Variants in MALRD1 observed in about 807,000 individuals in gnomAD.
MALRD1 encodes the protein MAM and LDL-receptor class A domain-containing protein 1.
MALRD1 carries 247 observed loss-of-function variants against 242.1 expected under a neutral mutation model. The ratio of observed to expected loss-of-function variants is 1.02; its 90% CI spans 0.92 to 1.13. The LOEUF (loss-of-function observed/expected upper bound fraction) is 1.13, where lower values mean the gene tolerates loss of function less well. MALRD1 is among the 50% of genes most tolerant of loss of function. MALRD1 has a pLI of 0.00. For missense variants in MALRD1, 2,989 were observed against 2,533.1 expected, an observed-to-expected ratio of 1.18 and a Z score of -3.86; for synonymous variants, 995 against 866.6, an observed-to-expected ratio of 1.15 and a Z score of -2.60.
intron 13 of MALRD1, among the ~76,000 whole-genome samples, chr10:19,168,063 A>C (rs1425510926): frequency 1.3e-5 from 2 of 152,200 alleles, no homozygotes; most frequent in African/African-American, 4.8e-5. Context: ...AATAAATGTT[A>C]GTGTTCTCTG....
At chr10:19,346,351 GGAGAGCAAATCCCT>G (rs1844124039) in intron 24 of MALRD1, among the ~76,000 whole-genome samples, 1 of 152,044 alleles carries the variant, frequency 6.6e-6, no homozygotes, top group Admixed American at 6.6e-5. Context: ...CTTGTGCATT[GGAGAGCAAATCCCT>G]GAGTGTTTTG....
At chr10:19,142,837 A>G (rs1833599885) in intron 10 of MALRD1, among the ~76,000 whole-genome samples, 1 of 152,222 alleles carries the variant, frequency 6.6e-6, no homozygotes, top group Non-Finnish European at 1.5e-5. Flanking sequence ...TTATAAGTTC[A>G]CTTTAAAGTT....
At chr10:19,695,087 G>A (rs1833305707) in intron 38 of MALRD1, among the ~76,000 whole-genome samples, 1 of 152,100 alleles carries the variant, frequency 6.6e-6, no homozygotes, top group African/African-American at 2.4e-5. Context: ...TGGGGCTAGT[G>A]GGGAGGCATA....
At chr10:19,626,680 C>T (rs898917027) in intron 36 of MALRD1, among the ~76,000 whole-genome samples, 1 of 150,910 alleles carries the variant, frequency 6.6e-6, no homozygotes, top group Admixed American at 6.6e-5. Context: ...ATAAAGAGTG[C>T]TGAAAAGCAC....
At chr10:19,162,030 GAACAAC>G (rs200339497) in intron 12 of MALRD1, among the ~76,000 whole-genome samples, 1 of 146,662 alleles carries the variant, frequency 6.8e-6, no homozygotes, top group South Asian at 2.1e-4. Context: ...TCTGTCTCAA[GAACAAC>G]AACAACAGCA....
chr10:19,236,370 C>T (rs1429951390), intron 18 of MALRD1, among the ~76,000 whole-genome samples: 1 of 152,130 alleles, frequency 6.6e-6, no homozygotes, highest in African/African-American at 2.4e-5. Flanking sequence ...AACCTAGAAG[C>T]TTGGTAGAGT....
chr10:19,321,503 C>T (rs918156725), intron 21 of MALRD1, among the ~76,000 whole-genome samples: 2 of 152,054 alleles, frequency 1.3e-5, no homozygotes, highest in African/African-American at 4.8e-5. Flanking sequence ...TTAATTGATG[C>T]ATGATAGATG....
At chr10:19,383,900 G>C (rs143618884) in intron 26 of MALRD1, among the ~76,000 whole-genome samples, 1 of 151,832 alleles carries the variant, frequency 6.6e-6, no homozygotes, top group Non-Finnish European at 1.5e-5. Context: ...ATTAAAGTGC[G>C]GTGAGTGCTA....
intron 18 of MALRD1, among the ~76,000 whole-genome samples, chr10:19,226,879 C>G (rs1393867766): frequency 6.6e-6 from 1 of 151,760 alleles, no homozygotes; most frequent in East Asian, 1.9e-4. Context: ...ACAATCAACA[C>G]CAATTAGAAA....
At chr10:19,733,844 A>G (rs1013191626) in intron 39 of MALRD1, among the ~76,000 whole-genome samples, 11 of 152,038 alleles carry the variant, frequency 7.2e-5, no homozygotes, top group African/African-American at 2.7e-4. Context: ...ACTATATTCA[A>G]TACAGAAGGC....
In MALRD1 at chr10:19,287,784, C is replaced by G. The variant is rs570393300; in HGVS notation, c.3419+4603C>G. ...ACAACTCACCTAACAATGCATTTCT[C>G]AGAACTCATTCCCGTCATTAAGTGA... On this transcript the variant is annotated intron_variant, in intron 21 of 39. Coordinates refer to ENST00000454679, the MANE Select transcript of MALRD1 (RefSeq NM_001142308.3). Among the ~76,000 whole-genome samples the G allele has an allele frequency of 2.0e-5, 3 of 152,184 alleles. No individual in the cohort carries two copies. In the East Asian group the frequency reaches 5.8e-4, roughly 29 times the overall value.
chr10:19,050,801 C>T (rs987126770), intron 1 of MALRD1, among the ~76,000 whole-genome samples: 7 of 152,178 alleles, frequency 4.6e-5, no homozygotes, highest in African/African-American at 1.7e-4. Context: ...CAAGCAGTGC[C>T]AAGTCCCTTC....
intron 35 of MALRD1, among the ~76,000 whole-genome samples, chr10:19,615,130 A>G (rs1839082900): frequency 6.6e-6 from 1 of 152,088 alleles, no homozygotes; most frequent in African/African-American, 2.4e-5. Flanking sequence ...TTTTGAGATG[A>G]TGGATATGCT....
intron 26 of MALRD1, among the ~76,000 whole-genome samples, chr10:19,357,409 T>C (rs1224571649): frequency 6.6e-6 from 1 of 152,168 alleles, no homozygotes; most frequent in East Asian, 1.9e-4. Flanking sequence ...ATCCTGTATT[T>C]TTTATATCTC....
At chr10:19,410,267 A>G (rs1300928480) in intron 28 of MALRD1, among the ~76,000 whole-genome samples, 1 of 152,200 alleles carries the variant, frequency 6.6e-6, no homozygotes, top group Non-Finnish European at 1.5e-5. Flanking sequence ...GATTTAAGCT[A>G]GATTTAGTAT....
chr10:19,265,287 T>A (rs1313011984), intron 19 of MALRD1, among the ~76,000 whole-genome samples: 2 of 152,052 alleles, frequency 1.3e-5, no homozygotes, highest in Non-Finnish European at 2.9e-5. Context: ...CTTTTTCAAG[T>A]TCCTTGAGGT....
intron 18 of MALRD1, among the ~76,000 whole-genome samples, chr10:19,254,711 T>C (rs1251727049): frequency 2.6e-5 from 4 of 151,934 alleles, no homozygotes; most frequent in Admixed American, 2.6e-4. Flanking sequence ...ATTTAAAGTT[T>C]ATAAATTTAT....
At chr10:19,234,748 G>T (rs1257469755) in intron 18 of MALRD1, among the ~76,000 whole-genome samples, 1 of 152,048 alleles carries the variant, frequency 6.6e-6, no homozygotes, top group Non-Finnish European at 1.5e-5. Context: ...AACACAAATA[G>T]CAGGTGATCA....
At chr10:19,260,890 G>A (rs12259409) in intron 19 of MALRD1, among the ~76,000 whole-genome samples, 10,599 of 152,096 alleles carry the variant, frequency 0.07, 463 homozygotes, top group African/African-American at 0.11. Context: ...CACTAAACCT[G>A]AAAGGAAGAG....
Sources: gnomAD v4.1 joint callset for allele counts (sites outside exome capture counted in the v4.1 genomes callset) on GRCh38, gnomAD v4.1.1 for gene constraint, MANE v1.5 for transcripts, NCBI Gene and HGNC (gene_info 2026-07-23, HGNC 2026-07-21) for gene names.